Variants in DTX4 observed in about 807,000 individuals in gnomAD.
The protein encoded by DTX4 is deltex E3 ubiquitin ligase 4.
Under a neutral mutation model 57.6 loss-of-function variants are expected in DTX4, and 28 were observed. That is an observed-to-expected ratio of 0.49 (90% confidence interval 0.36 to 0.67). The LOEUF (loss-of-function observed/expected upper bound fraction) is 0.67. Ranked by LOEUF, DTX4 falls within the 30% of genes least tolerant of loss-of-function variation. The probability of loss-of-function intolerance (pLI) is 0.00; values close to 1 mark genes in which losing one functional copy is unlikely to be tolerated. For missense variants in DTX4, 715 were observed against 836.8 expected, an observed-to-expected ratio of 0.85 and a Z score of 1.80; for synonymous variants, 316 against 331.0, an observed-to-expected ratio of 0.95 and a Z score of 0.49.
intron 1 of DTX4, among the ~76,000 whole-genome samples, chr11:59,173,244 G>T (rs1442179968): frequency 1.3e-5 from 2 of 152,208 alleles, no homozygotes; most frequent in Admixed American, 6.5e-5. Context: ...GCACGCTGGG[G>T]CTTGCCACAC....
At chr11:59,192,398 C>A in intron 6 of DTX4, 148 bp downstream of exon 6, 1 of 933,350 alleles carries the variant, frequency 1.1e-6, no homozygotes, top group Non-Finnish European at 1.6e-6. Flanking sequence ...TGGCTGTTCT[C>A]AGCAGGATCA....
At chr11:59,189,056 CT>C in intron 3 of DTX4, 105 bp from the exon 4 acceptor site, 1 of 1,378,416 alleles carries the variant, frequency 7.3e-7, no homozygotes, top group Non-Finnish European at 1.0e-6. Flanking sequence ...ATTATGAGAA[CT>C]TTCTGCTGGA....
chr11:59,172,428 C>T lies in DTX4; in HGVS notation c.-168C>T, dbSNP rs1310723708. ...CGGTGTCCCGGCCCCGGTGGATGCA[C>T]GGCTGGGGAGGAGCCCATGGGCCGG... is the stretch of plus-strand genomic sequence containing the variant. On this transcript the variant is annotated 5_prime_UTR_variant, in exon 1 of 9. The change creates a new upstream start codon in the 5' untranslated region. Transcript: ENST00000227451. The T allele has an allele frequency of 9.3e-6, 2 of 216,150 alleles. No homozygotes were observed. The highest frequency in any genetic ancestry group is 6.1e-5 in the Admixed American group (1 of 16,294). The allele number at this position is 216,150 out of a possible 1,614,324, so 13.4% of individuals were successfully genotyped here.
intron 1 of DTX4, among the ~76,000 whole-genome samples, chr11:59,175,482 C>G (rs1396294916): frequency 6.6e-6 from 1 of 152,192 alleles, no homozygotes; most frequent in African/African-American, 2.4e-5. Flanking sequence ...TCTGTTTGCC[C>G]TGGGCCCTTC....
intron 4 of DTX4, among the ~76,000 whole-genome samples, chr11:59,190,234 T>C (rs908852855): frequency 2.0e-5 from 3 of 152,216 alleles, no homozygotes; most frequent in Admixed American, 2.0e-4. Context: ...TTGCTCATAG[T>C]CTTATCGGAA....
intron 7 of DTX4, among the ~76,000 whole-genome samples, chr11:59,196,732 G>A (rs770283242): frequency 7.9e-5 from 12 of 152,188 alleles, no homozygotes; most frequent in Admixed American, 1.3e-4. Flanking sequence ...GATCTAGGTC[G>A]TGCACTCCTT....
At chr11:59,197,918 AG>A (rs1194064554) in intron 7 of DTX4, among the ~76,000 whole-genome samples, 2 of 152,174 alleles carry the variant, frequency 1.3e-5, no homozygotes, top group South Asian at 2.1e-4. Flanking sequence ...AGCCCACACT[AG>A]GGGATACAGG....
chr11:59,201,449 CA>C (rs1862739146), intron 8 of DTX4, among the ~76,000 whole-genome samples: 1 of 152,184 alleles, frequency 6.6e-6, no homozygotes, highest in Non-Finnish European at 1.5e-5. Context: ...ACAGAGAACC[CA>C]AGCGGAAGTG....
chr11:59,188,589 A>G (rs1299247209), intron 2 of DTX4, 146 bp from the exon 3 acceptor site: 1 of 660,108 alleles, frequency 1.5e-6, no homozygotes, highest in Admixed American at 2.5e-5. Context: ...GAGTGGTGGC[A>G]TGACATGGCC....
chr11:59,172,801 A>G lies in DTX4; in HGVS notation c.206A>G (p.Asp69Gly). Residue 69 changes from aspartate (D) to glycine (G), a missense_variant, in exon 1 of 9, where the codon GAC (aspartate) becomes GGC (glycine). Transcript: ENST00000227451. ...DLQSMNQFRQ[D>G]TGTLRPVRRN... Reference sequence around the variant, plus strand: ...CAGTCCATGAACCAGTTCCGCCAAGACACGGGTGAGCCAGCCGCCCCTGAC... The same window carrying G: ...CAGTCCATGAACCAGTTCCGCCAAGGCACGGGTGAGCCAGCCGCCCCTGAC... The G allele has an allele frequency of 6.4e-7, 1 of 1,572,250 alleles. No homozygotes were observed. The highest frequency in any genetic ancestry group is 1.8e-5 in the Admixed American group (1 of 56,186).
At chr11:59,202,377 T>G (rs1343461202) in intron 8 of DTX4, among the ~76,000 whole-genome samples, 1 of 152,246 alleles carries the variant, frequency 6.6e-6, no homozygotes, top group Non-Finnish European at 1.5e-5. Flanking sequence ...TTTCCTAATC[T>G]GTAAAATAGT....
At chr11:59,180,119 G>T (rs1018676752) in intron 1 of DTX4, among the ~76,000 whole-genome samples, 11 of 152,196 alleles carry the variant, frequency 7.2e-5, no homozygotes, top group Admixed American at 7.2e-4. Context: ...ACCCTTTGAA[G>T]TCACTACCCA....
rs1590992471 is a variant in DTX4, at chr11:59,205,384, T to A, written c.*475T>A. 2 of 173,494 alleles carry A rather than the reference T, an allele frequency of 1.2e-5. No homozygotes were observed. The highest frequency in any genetic ancestry group is 5.4e-5 in the Admixed American group (1 of 18,380). The allele number at this position is 173,494 out of a possible 1,614,324, so 10.7% of individuals were successfully genotyped here. Reference sequence around the variant, plus strand: ...GGCAGGGAGCTCTCACTGTGCAAGGTTGGGGGGTGGGCAAAGGGGTGAATC... The same window carrying A: ...GGCAGGGAGCTCTCACTGTGCAAGGATGGGGGGTGGGCAAAGGGGTGAATC... On this transcript the variant is annotated 3_prime_UTR_variant, in exon 9 of 9. Coordinates refer to ENST00000227451, the MANE Select transcript of DTX4 (RefSeq NM_015177.2).
At chr11:59,198,883 T>C (rs947671165) in intron 7 of DTX4, among the ~76,000 whole-genome samples, 1 of 152,190 alleles carries the variant, frequency 6.6e-6, no homozygotes, top group East Asian at 1.9e-4. Flanking sequence ...TTTGCCGCTT[T>C]TCATGAGCTT....
chr11:59,174,040 C>T (rs557125195), intron 1 of DTX4, among the ~76,000 whole-genome samples: 2 of 152,176 alleles, frequency 1.3e-5, no homozygotes, highest in Non-Finnish European at 2.9e-5. Flanking sequence ...AGTCTCTCTG[C>T]TTCCTTGGAA....
At chr11:59,192,779 C>A (rs148940135) in intron 6 of DTX4, among the ~76,000 whole-genome samples, 93 of 152,280 alleles carry the variant, frequency 6.1e-4, no homozygotes, top group African/African-American at 2.0e-3. Flanking sequence ...CAAAGTACAC[C>A]TGGTAATCCC....
At position 59,193,658 on chromosome 11, in the gene DTX4, C is replaced by A. The variant is rs117167825; in HGVS notation, c.1374+1408C>A. Reference sequence around the variant, plus strand: ...GTTTCTCAAGAGTCTATGCTTTATTCTCTTTTGCACTAATACTTTGAAGCA... The same window carrying A: ...GTTTCTCAAGAGTCTATGCTTTATTATCTTTTGCACTAATACTTTGAAGCA... On this transcript the variant is annotated intron_variant, in intron 6 of 8. Transcript: ENST00000227451. Among the ~76,000 whole-genome samples the A allele has an allele frequency of 3.2e-4, 48 of 152,294 alleles. No homozygotes were observed. The East Asian group carries it at 8.9e-3, about 28-fold the overall frequency.
intron 2 of DTX4, among the ~76,000 whole-genome samples, chr11:59,183,631 C>T (rs1183849848): frequency 1.3e-5 from 2 of 152,112 alleles, no homozygotes; most frequent in Non-Finnish European, 2.9e-5. Context: ...GTCCAGGCTG[C>T]TCTAAGAAGG....
chr11:59,186,247 C>A (rs1862526674), intron 2 of DTX4, among the ~76,000 whole-genome samples: 1 of 152,148 alleles, frequency 6.6e-6, no homozygotes, highest in Admixed American at 6.5e-5. Context: ...CCACATCTTG[C>A]CCCTGAGTTC....
Sources: allele counts gnomAD v4.1 joint callset (sites outside exome capture counted in the v4.1 genomes callset), GRCh38; gene constraint gnomAD v4.1.1; transcripts MANE v1.5; gene names NCBI Gene and HGNC (gene_info 2026-07-23, HGNC 2026-07-21).